NKAIN3: variants seen among roughly 807,000 people sequenced by gnomAD.
NKAIN3 encodes the protein sodium/potassium transporting ATPase interacting 3, also known as sodium/potassium-transporting ATPase subunit beta-1-interacting protein 3.
Under a neutral mutation model 30.2 loss-of-function variants are expected in NKAIN3, and 25 were observed. That is an observed-to-expected ratio of 0.83 (90% CI 0.60 to 1.16). The LOEUF (loss-of-function observed/expected upper bound fraction) is 1.16. Among genes scored for constraint, NKAIN3 ranks in the 50% most tolerant of loss-of-function variants. The probability of loss-of-function intolerance (pLI) is 0.00; values close to 1 mark genes in which losing one functional copy is unlikely to be tolerated. For synonymous variants in NKAIN3, 91 were observed against 89.6 expected (o/e 1.02, Z -0.09); for missense variants, 225 against 254.1 (o/e 0.89, Z 0.78).
intron 1 of NKAIN3, among the ~76,000 whole-genome samples, chr8:62,380,813 T>C (rs1226221383): frequency 1.3e-5 from 2 of 152,186 alleles, no homozygotes; most frequent in African/African-American, 2.4e-5. Flanking sequence ...ATACTGAAAA[T>C]GTGGGTACTT....
At chr8:62,415,421 GCAT>G (rs1237299458) in intron 1 of NKAIN3, among the ~76,000 whole-genome samples, 2 of 149,476 alleles carry the variant, frequency 1.3e-5, no homozygotes. Context: ...TTCATTATTA[GCAT>G]CATCATCATC....
rs185577491 is a variant in NKAIN3 at position 62,599,713 on chromosome 8, T to G, written c.273+9919T>G. On this transcript the variant is annotated intron_variant, in intron 3 of 6. Coordinates refer to ENST00000623646, the MANE Select transcript of NKAIN3 (RefSeq NM_001304533.3). ...TTGTGATAGGACCTCAGATCTGCAT[T>G]TTAACTTCACAGCTGTAACAGTATT... Among the ~76,000 whole-genome samples the G allele has an allele frequency of 1.2e-3, 176 of 152,180 alleles. 1 individual carries two copies. Among genetic ancestry groups the G allele is most frequent in the African/African-American group, 4.0e-3 (168 of 41,554 alleles).
intron 1 of NKAIN3, among the ~76,000 whole-genome samples, chr8:62,508,287 A>AT (rs1807707308): frequency 6.6e-6 from 1 of 152,216 alleles, no homozygotes; most frequent in South Asian, 2.1e-4. Context: ...ACAGAGGGAC[A>AT]TTTTTTTGCT....
intron 1 of NKAIN3, among the ~76,000 whole-genome samples, chr8:62,495,206 T>A (rs1214611939): frequency 6.6e-6 from 1 of 152,168 alleles, no homozygotes; most frequent in Non-Finnish European, 1.5e-5. Context: ...GTAGTTTATA[T>A]GAATTCTGAT....
At chr8:62,758,715 G>A (rs1816539654) in intron 4 of NKAIN3, among the ~76,000 whole-genome samples, 1 of 152,054 alleles carries the variant, frequency 6.6e-6, no homozygotes. Flanking sequence ...CACCATTCTT[G>A]CCCTTAACAT....
chr8:62,908,614 T>C (rs1010507206), intron 4 of NKAIN3, among the ~76,000 whole-genome samples: 2 of 152,116 alleles, frequency 1.3e-5, no homozygotes, highest in Non-Finnish European at 2.9e-5. Context: ...TCTCACAATA[T>C]CTGATGGTTT....
chr8:62,555,685 T>G (rs1478330440), intron 1 of NKAIN3, among the ~76,000 whole-genome samples: 11 of 152,086 alleles, frequency 7.2e-5, no homozygotes. Context: ...GCTGTGAATT[T>G]TTCAAAACAA....
At chr8:62,944,449 G>C (rs1355357190) in intron 5 of NKAIN3, among the ~76,000 whole-genome samples, 1 of 151,900 alleles carries the variant, frequency 6.6e-6, no homozygotes, top group Non-Finnish European at 1.5e-5. Flanking sequence ...AATTTTTATT[G>C]GGCTTTCTTT....
intron 1 of NKAIN3, among the ~76,000 whole-genome samples, chr8:62,339,503 C>G (rs564386698): frequency 3.9e-5 from 6 of 152,056 alleles, no homozygotes; most frequent in East Asian, 3.9e-4. Flanking sequence ...CTGACTATTT[C>G]CTGTGGAATT....
chr8:62,402,765 C>A (rs368706238), intron 1 of NKAIN3, among the ~76,000 whole-genome samples: 193 of 152,208 alleles, frequency 1.3e-3, no homozygotes, highest in African/African-American at 4.5e-3. Flanking sequence ...TCCTTATAGC[C>A]GCGTGGGAAC....
chr8:62,844,109 C>G (rs1819606636), intron 4 of NKAIN3, among the ~76,000 whole-genome samples: 1 of 152,134 alleles, frequency 6.6e-6, no homozygotes, highest in Admixed American at 6.6e-5. Context: ...GTTGCCAATG[C>G]AAAAGCTAAA....
chr8:62,770,902 G>C (rs535523548), intron 4 of NKAIN3, among the ~76,000 whole-genome samples: 14 of 152,036 alleles, frequency 9.2e-5, no homozygotes, highest in African/African-American at 3.1e-4. Context: ...TGGTGGGCGG[G>C]GGGTGGAGGG....
At chr8:62,549,137 T>C (rs1809111133) in intron 1 of NKAIN3, among the ~76,000 whole-genome samples, 1 of 152,226 alleles carries the variant, frequency 6.6e-6, no homozygotes, top group Non-Finnish European at 1.5e-5. Flanking sequence ...CTGTGAACGC[T>C]ATAGTATTTC....
intron 2 of NKAIN3, among the ~76,000 whole-genome samples, chr8:62,589,180 A>G (rs1157054293): frequency 6.6e-6 from 1 of 151,784 alleles, no homozygotes; most frequent in Non-Finnish European, 1.5e-5. Context: ...AAAATATTTT[A>G]TATGGTTATA....
At chr8:62,494,661 T>A (rs1809543198) in intron 1 of NKAIN3, among the ~76,000 whole-genome samples, 1 of 151,976 alleles carries the variant, frequency 6.6e-6, no homozygotes, top group Non-Finnish European at 1.5e-5. Flanking sequence ...CTTTTTTTGA[T>A]TGGTGTTTGT....
chr8:62,698,830 C>T (rs989542431), intron 3 of NKAIN3, among the ~76,000 whole-genome samples: 36 of 152,018 alleles, frequency 2.4e-4, no homozygotes, highest in Non-Finnish European at 4.6e-4. Flanking sequence ...ATGGAAAGGA[C>T]GGAACCACGC....
rs75366989 is a variant in NKAIN3 at position 62,645,393 on chromosome 8, C to T, written c.273+55599C>T. Among the ~76,000 whole-genome samples the T allele has an allele frequency of 5.3e-5, 8 of 152,130 alleles. No homozygotes were observed. In the East Asian group the frequency reaches 1.5e-3, roughly 29 times the overall value. On this transcript the variant is annotated intron_variant, in intron 3 of 6. Coordinates refer to ENST00000623646, the MANE Select transcript of NKAIN3 (RefSeq NM_001304533.3). ...TGAATGACAGAATTTATTTATGACT[C>T]TGTGATAAATGTAATGAAGTCATAC...
intron 3 of NKAIN3, among the ~76,000 whole-genome samples, chr8:62,591,703 G>A (rs1810660067): frequency 6.6e-6 from 1 of 151,818 alleles, no homozygotes; most frequent in African/African-American, 2.4e-5. Context: ...AGTATTCTAG[G>A]TCATTAAAAA....
intron 3 of NKAIN3, among the ~76,000 whole-genome samples, 192 bp downstream of exon 3, chr8:62,589,986 G>A (rs1490127730): frequency 1.3e-5 from 2 of 151,038 alleles, no homozygotes; most frequent in African/African-American, 2.4e-5. Context: ...TTAGGAGTGT[G>A]TTAATATCAT....
Sources: allele counts gnomAD v4.1 joint callset (sites outside exome capture counted in the v4.1 genomes callset), GRCh38; gene constraint gnomAD v4.1.1; transcripts MANE v1.5; gene names NCBI Gene and HGNC (gene_info 2026-07-23, HGNC 2026-07-21).